TMEM116: variants seen among roughly 807,000 people sequenced by gnomAD.
TMEM116 encodes transmembrane protein 116.
TMEM116 carries 38 observed loss-of-function variants against 44.3 expected under a neutral mutation model. That is an observed-to-expected ratio of 0.86 (90% CI 0.66 to 1.12). TMEM116 has a LOEUF of 1.12. TMEM116 is among the 50% of genes most tolerant of loss of function. The pLI is 0.00. For synonymous variants in TMEM116, 132 were observed against 144.8 expected, an observed-to-expected ratio of 0.91 and a Z score of 0.64; for missense variants, 354 against 401.7, an observed-to-expected ratio of 0.88 and a Z score of 1.01.
intron 4 of TMEM116, among the ~76,000 whole-genome samples, chr12:111,954,185 T>C (rs1196857144): frequency 6.6e-6 from 1 of 152,168 alleles, no homozygotes; most frequent in Non-Finnish European, 1.5e-5. Flanking sequence ...CCATAGCCAC[T>C]GTAAAATTTA....
chr12:111,959,104 T>G (rs2074382161), intron 4 of TMEM116, among the ~76,000 whole-genome samples: 1 of 152,092 alleles, frequency 6.6e-6, no homozygotes, highest in Non-Finnish European at 1.5e-5. Context: ...GAGAGAAAGG[T>G]CAGGTTACCC....
At chr12:111,950,653 T>C (rs1011718009) in intron 4 of TMEM116, among the ~76,000 whole-genome samples, 9 of 152,026 alleles carry the variant, frequency 5.9e-5, no homozygotes, top group African/African-American at 2.2e-4. Context: ...AACTGTACCC[T>C]TTCCTTACAC....
chr12:111,942,463 G>A (rs1394716382), intron 5 of TMEM116, among the ~76,000 whole-genome samples: 3 of 152,040 alleles, frequency 2.0e-5, no homozygotes, highest in Non-Finnish European at 4.4e-5. Context: ...TAGTAGAGAT[G>A]GAGTTTCACC....
Position 111,932,461 on chromosome 12 carries a change from A to G in TMEM116, c.807+125T>C. 6.6e-6 allele frequency: 5 copies of G among 761,840 alleles called. No individual in the cohort carries two copies. In the South Asian group the frequency reaches 6.8e-5, roughly 10 times the overall value. 47.2% of individuals were successfully genotyped at this position (761,840 alleles called of 1,614,324 possible). ...TTCTTCATAACTGAGTGTAAATAAT[A>G]CATTTTCTCTTTTGCAATGTAGAAG... On this transcript the variant is annotated intron_variant, in intron 10 of 10. Transcript: ENST00000552374.
In TMEM116 at chr12:111,932,604, C is replaced by T; in HGVS notation, c.789G>A (p.Met263Ile). ...LTKPQDTKLH[M>I]ALYVLQALTA... ...GTGTTACCTGGAGAACATAAAGGGCCATGTGAAGCTTGGTGTCCTGTGGCT... is the reference window on the plus strand; with the variant it reads ...GTGTTACCTGGAGAACATAAAGGGCTATGTGAAGCTTGGTGTCCTGTGGCT... Residue 263 changes from methionine to isoleucine, a missense_variant, in exon 10 of 11, where the codon ATG (methionine) becomes ATA (isoleucine). Met to Ile is a conservative substitution (Grantham distance 10). Transcript: ENST00000552374. 1 of 1,614,034 alleles carries T rather than the reference C, an allele frequency of 6.2e-7. No homozygotes were observed. The highest frequency in any genetic ancestry group is 8.5e-7 in the Non-Finnish European group (1 of 1,179,956).
intron 4 of TMEM116, among the ~76,000 whole-genome samples, chr12:111,981,114 C>T (rs2106956): frequency 0.27 from 40,520 of 151,368 alleles, 7,067 homozygotes; most frequent in East Asian, 0.85. Context: ...AAATGTTTGC[C>T]ATTATACCTC....
At chr12:111,990,368 G>A (rs1348478991) in intron 4 of TMEM116, among the ~76,000 whole-genome samples, 2 of 152,016 alleles carry the variant, frequency 1.3e-5, no homozygotes, top group South Asian at 2.1e-4. Flanking sequence ...AGGTACTGGC[G>A]AAACATTACA....
chr12:111,969,150 G>A (rs989960356), intron 4 of TMEM116, among the ~76,000 whole-genome samples: 4 of 151,248 alleles, frequency 2.6e-5, no homozygotes, highest in African/African-American at 7.3e-5. Flanking sequence ...GAGAAATCCC[G>A]TCTCTACTAA....
chr12:111,965,562 A>G, intron 4 of TMEM116: 1 of 168,804 alleles, frequency 5.9e-6, no homozygotes, highest in Non-Finnish European at 1.3e-5. Context: ...CTAAAGTGGA[A>G]GGAAATAGGA....
chr12:111,982,457 C>T (rs1463894824), intron 4 of TMEM116, among the ~76,000 whole-genome samples: 2 of 151,954 alleles, frequency 1.3e-5, no homozygotes, highest in East Asian at 1.9e-4. Context: ...CATGCCACTA[C>T]GCCCAGCTAA....
At chr12:111,955,729 G>A (rs1302960269) in intron 4 of TMEM116, among the ~76,000 whole-genome samples, 1 of 152,196 alleles carries the variant, frequency 6.6e-6, no homozygotes, top group Non-Finnish European at 1.5e-5. Context: ...CCGCATATAA[G>A]ACAGTGGCCG....
intron 3 of TMEM116, chr12:111,993,410 T>C (rs187231239): frequency 4.0e-4 from 219 of 551,612 alleles, no homozygotes; most frequent in Middle Eastern, 1.9e-3. Context: ...TTGGCTTTTA[T>C]GAAGTCTTTA....
intron 3 of TMEM116, among the ~76,000 whole-genome samples, chr12:111,998,015 A>C (rs911318466): frequency 6.6e-6 from 1 of 152,226 alleles, no homozygotes; most frequent in Non-Finnish European, 1.5e-5. Context: ...TATATAAAGA[A>C]AAATCTCTAA....
At chr12:111,991,397 G>C (rs967024874) in intron 4 of TMEM116, among the ~76,000 whole-genome samples, 3 of 151,064 alleles carry the variant, frequency 2.0e-5, no homozygotes, top group African/African-American at 7.3e-5. Context: ...GGTGGTGGGC[G>C]CCTGTAGTCC....
intron 2 of TMEM116, 22 bp downstream of exon 2, chr12:112,005,235 A>G: frequency 7.3e-7 from 1 of 1,378,158 alleles, no homozygotes; most frequent in South Asian, 1.7e-5. Context: ...TAGTTTAGTT[A>G]TATGAGATTA....
Position 111,942,773 on chromosome 12 carries a change from TGTGTGTGTGG to T in TMEM116, c.315+482_315+491del, listed in dbSNP as rs1251509276. Among the ~76,000 whole-genome samples, 6 of 136,832 alleles carry T rather than the reference TGTGTGTGTGG, an allele frequency of 4.4e-5. No homozygotes were observed. The Admixed American group carries it at 5.3e-4, about 12-fold the overall frequency. 89.8% of individuals were successfully genotyped at this position (136,832 alleles called of 152,430 possible). ...ATAATCAAACCTGTATGTGTATGTG[TGTGTGTGTGG>T]GTGTGTGTGTGGGTGTGTGTATGTG... On this transcript the variant is annotated intron_variant, in intron 5 of 10. Coordinates refer to ENST00000552374, the MANE Select transcript of TMEM116 (RefSeq NM_001193531.2).
chr12:111,967,060 T>C (rs182692252), intron 4 of TMEM116, among the ~76,000 whole-genome samples: 2 of 152,320 alleles, frequency 1.3e-5, no homozygotes, highest in East Asian at 3.9e-4. Context: ...TTGATTCCCT[T>C]GCTCAGAGAA....
intron 5 of TMEM116, among the ~76,000 whole-genome samples, chr12:111,942,777 T>G (rs56387501): frequency 0.017 from 2,345 of 137,194 alleles, 68 homozygotes; most frequent in African/African-American, 0.06. Flanking sequence ...TATGTGTGTG[T>G]GTGTGGGTGT....
intron 1 of TMEM116, chr12:112,010,531 TAG>T (rs1333193358): frequency 6.6e-6 from 1 of 152,254 alleles, no homozygotes; most frequent in African/African-American, 2.4e-5. Flanking sequence ...CAGTTCTCAG[TAG>T]AGAGGAGGCC....
Sources: allele counts gnomAD v4.1 joint callset (sites outside exome capture counted in the v4.1 genomes callset), GRCh38; gene constraint gnomAD v4.1.1; transcripts MANE v1.5; gene names NCBI Gene and HGNC (gene_info 2026-07-23, HGNC 2026-07-21).